Variants in RAP1A observed in about 807,000 individuals in gnomAD.
RAP1A encodes the protein RAP1A, member of RAS oncogene family.
RAP1A carries 6 observed loss-of-function variants against 26.4 expected under a neutral mutation model. The ratio of observed to expected loss-of-function variants is 0.23; its 90% CI spans 0.12 to 0.45. The LOEUF is 0.45. Ranked by LOEUF, RAP1A falls within the 20% of genes least tolerant of loss-of-function variation. The pLI, the probability that RAP1A is intolerant of heterozygous loss-of-function variation, is 0.99. For missense variants in RAP1A, 121 were observed against 217.2 expected (o/e 0.56, Z 2.78); for synonymous variants, 73 against 79.4 (o/e 0.92, Z 0.43).
intron 1 of RAP1A, among the ~76,000 whole-genome samples, chr1:111,690,204 TTTAG>T (rs1436897662): frequency 1.3e-4 from 20 of 152,354 alleles, no homozygotes; most frequent in African/African-American, 4.3e-4. Context: ...CTAGAGCTTA[TTTAG>T]CTTTGCTACT....
intron 1 of RAP1A, chr1:111,608,618 ACT>A (rs1373115315): frequency 1.2e-5 from 2 of 171,094 alleles, no homozygotes; most frequent in Admixed American, 1.3e-4. Context: ...ACCATTGAGC[ACT>A]GAGTGAACCA....
intron 1 of RAP1A, among the ~76,000 whole-genome samples, chr1:111,561,163 A>T (rs1657721373): frequency 6.6e-6 from 1 of 152,180 alleles, no homozygotes; most frequent in African/African-American, 2.4e-5. Flanking sequence ...TCCCTCTGTC[A>T]CCCAGGCTGG....
intron 1 of RAP1A, chr1:111,599,902 G>C (rs1658637860): frequency 6.6e-6 from 1 of 152,120 alleles, no homozygotes; most frequent in African/African-American, 2.4e-5. Flanking sequence ...CCTTGGTGAT[G>C]AGTGAACTCT....
intron 1 of RAP1A, among the ~76,000 whole-genome samples, chr1:111,605,778 G>C (rs1658760090): frequency 6.6e-6 from 1 of 152,150 alleles, no homozygotes; most frequent in Non-Finnish European, 1.5e-5. Context: ...CCACAGCTTT[G>C]GCTTGCTCAG....
chr1:111,563,332 A>T (rs1657821096), intron 1 of RAP1A, among the ~76,000 whole-genome samples: 1 of 152,194 alleles, frequency 6.6e-6, no homozygotes, highest in Non-Finnish European at 1.5e-5. Flanking sequence ...TGCTCTTAAC[A>T]ACAAGCAGCT....
chr1:111,676,136 T>C (rs1661116054), intron 1 of RAP1A, among the ~76,000 whole-genome samples: 1 of 152,086 alleles, frequency 6.6e-6, no homozygotes, highest in Non-Finnish European at 1.5e-5. Context: ...GACAGGCGGA[T>C]CATGAGGTCA....
chr1:111,598,742 T>C (rs1200984666), intron 1 of RAP1A, among the ~76,000 whole-genome samples: 1 of 152,152 alleles, frequency 6.6e-6, no homozygotes, highest in Non-Finnish European at 1.5e-5. Flanking sequence ...AGCGAGCAGT[T>C]CTGCAGTGGA....
At chr1:111,584,017 G>T (rs1479075511) in intron 1 of RAP1A, among the ~76,000 whole-genome samples, 1 of 151,582 alleles carries the variant, frequency 6.6e-6, no homozygotes, top group Admixed American at 6.6e-5. Flanking sequence ...AGTAAGCTGG[G>T]ATTACAGGCA....
intron 1 of RAP1A, among the ~76,000 whole-genome samples, chr1:111,683,746 G>A (rs965952687): frequency 6.6e-6 from 1 of 152,112 alleles, no homozygotes; most frequent in Non-Finnish European, 1.5e-5. Context: ...AGAGGAGCTG[G>A]TACCATTCCT....
chr1:111,653,868 A>G (rs772032356), intron 1 of RAP1A, among the ~76,000 whole-genome samples: 1 of 152,164 alleles, frequency 6.6e-6, no homozygotes, highest in Non-Finnish European at 1.5e-5. Context: ...AATGCACCTC[A>G]AAAGGCACAG....
chr1:111,546,664 T>G (rs1414279905), intron 1 of RAP1A, among the ~76,000 whole-genome samples: 1 of 152,202 alleles, frequency 6.6e-6, no homozygotes, highest in African/African-American at 2.4e-5. Context: ...GTTTATCAAT[T>G]CATCCATTGA....
chr1:111,682,451 AC>A (rs1661327280), intron 1 of RAP1A, among the ~76,000 whole-genome samples: 4 of 152,112 alleles, frequency 2.6e-5, no homozygotes, highest in Admixed American at 2.6e-4. Context: ...GCAAAGACAC[AC>A]ATAGGCCCAA....
intron 1 of RAP1A, among the ~76,000 whole-genome samples, chr1:111,620,514 G>A (rs1162460623): frequency 1.3e-5 from 2 of 152,230 alleles, no homozygotes; most frequent in East Asian, 1.9e-4. Flanking sequence ...AGGAGTGCGG[G>A]TAGACTGGAG....
intron 1 of RAP1A, among the ~76,000 whole-genome samples, chr1:111,660,925 ATCT>A (rs1209665946): frequency 6.6e-6 from 1 of 152,140 alleles, no homozygotes; most frequent in Non-Finnish European, 1.5e-5. Flanking sequence ...ACTGCCCATC[ATCT>A]TTAGTTGTTT....
At chr1:111,694,105 T>G (rs1661757847) in intron 2 of RAP1A, among the ~76,000 whole-genome samples, 1 of 152,064 alleles carries the variant, frequency 6.6e-6, no homozygotes, top group African/African-American at 2.4e-5. Context: ...CCAGGTTGGT[T>G]TCAAATTCCT....
rs746501788 is a variant in RAP1A at position 111,561,656 on chromosome 1, G to A, written c.-28+19147G>A. Among the ~76,000 whole-genome samples, 123 of 152,230 alleles carry A rather than the reference G, an allele frequency of 8.1e-4. 1 individual carries two copies. The highest frequency in any genetic ancestry group is 3.6e-3 in the Admixed American group (55 of 15,284). On this transcript the variant is annotated intron_variant, in intron 1 of 7. Transcript: ENST00000356415. Reference sequence around the variant, plus strand: ...TAGGCCATTACTCTTCTCTCCTACTGCTCACTACTATAGAATTTTTTGTAA... The same window carrying A: ...TAGGCCATTACTCTTCTCTCCTACTACTCACTACTATAGAATTTTTTGTAA...
At chr1:111,626,021 C>T (rs1012409269) in intron 1 of RAP1A, among the ~76,000 whole-genome samples, 5 of 152,162 alleles carry the variant, frequency 3.3e-5, no homozygotes. Context: ...TTGATGGATA[C>T]TGAGATGTGA....
upstream of RAP1A, among the ~76,000 whole-genome samples, chr1:111,617,756 C>T (rs1035629370): frequency 6.7e-6 from 1 of 148,694 alleles, no homozygotes; most frequent in African/African-American, 2.5e-5. Flanking sequence ...TCTAAAGAAT[C>T]ATTCCAGCTG....
intron 2 of RAP1A, 75 bp from the exon 3 acceptor site, chr1:111,695,266 A>T (rs1482545874): frequency 1.9e-6 from 2 of 1,071,684 alleles, no homozygotes; most frequent in East Asian, 3.0e-5. Flanking sequence ...ATTAATCATT[A>T]TAATTTGTAG....
Sources: gnomAD v4.1 joint callset for allele counts (sites outside exome capture counted in the v4.1 genomes callset) on GRCh38, gnomAD v4.1.1 for gene constraint, MANE v1.5 for transcripts, NCBI Gene and HGNC (gene_info 2026-07-23, HGNC 2026-07-21) for gene names.